Variants in HERC4 observed in about 807,000 individuals in gnomAD.
HERC4 encodes probable E3 ubiquitin-protein ligase HERC4.
In HERC4, 28 loss-of-function variants were observed where a neutral mutation model predicts 124.3. The ratio of observed to expected loss-of-function variants is 0.23; its 90% CI spans 0.17 to 0.31. The LOEUF (loss-of-function observed/expected upper bound fraction) is 0.31. HERC4 is among the 10% of genes least tolerant of loss of function. HERC4 has a pLI of 1.00. For synonymous variants in HERC4, 407 were observed against 421.5 expected (o/e 0.97, Z 0.42); for missense variants, 713 against 1,229.3 (o/e 0.58, Z 6.28).
chr10:67,978,336 C>G (rs2035722439), intron 15 of HERC4, among the ~76,000 whole-genome samples: 1 of 152,272 alleles, frequency 6.6e-6, no homozygotes, highest in South Asian at 2.1e-4. Context: ...GTACTCCCCA[C>G]AGGCCCCTGG....
intron 9 of HERC4, among the ~76,000 whole-genome samples, chr10:68,003,507 C>T (rs933138116): frequency 6.6e-6 from 1 of 151,882 alleles, no homozygotes; most frequent in South Asian, 2.1e-4. Flanking sequence ...TCACTTCCTC[C>T]CCTTACCCCA....
At chr10:68,064,586 GAGAAAAAAAGAAAA>G (rs1315326428) in intron 3 of HERC4, among the ~76,000 whole-genome samples, 173 of 148,194 alleles carry the variant, frequency 1.2e-3, no homozygotes, top group African/African-American at 4.1e-3. Context: ...AAGAGAGAGA[GAGAAAAAAAGAAAA>G]AGAAAAAAAG....
At chr10:68,061,440 G>C (rs1217096813) in intron 3 of HERC4, among the ~76,000 whole-genome samples, 2 of 148,180 alleles carry the variant, frequency 1.3e-5, no homozygotes, top group Non-Finnish European at 3.0e-5. Flanking sequence ...GGCTGAGGCA[G>C]GAGAATGGCA....
Position 67,940,931 on chromosome 10 carries a change from C to T in HERC4, c.2504+8G>A. 6.2e-7 allele frequency: 1 copy of T among 1,603,440 alleles called. No homozygotes were observed. The highest frequency in any genetic ancestry group is 1.1e-5 in the South Asian group (1 of 87,816). ...CCTACTACTTTTTGACTTTTTTTTC[C>T]AACTAACCTCCCAACATCAGGCATT... On this transcript the variant is annotated splice_region_variant and intron_variant, in intron 20 of 24. Transcript: ENST00000373700.
intron 3 of HERC4, among the ~76,000 whole-genome samples, chr10:68,047,093 A>G (rs1294220446): frequency 6.6e-6 from 1 of 152,200 alleles, no homozygotes; most frequent in African/African-American, 2.4e-5. Flanking sequence ...TACTTGTTAT[A>G]GCAAAACCAA....
At chr10:68,071,670 G>A (rs542614160) in intron 3 of HERC4, among the ~76,000 whole-genome samples, 8 of 152,278 alleles carry the variant, frequency 5.3e-5, no homozygotes, top group African/African-American at 1.9e-4. Context: ...CAATGCCTGA[G>A]ATCATGAAAA....
At chr10:68,039,931 T>C (rs752046538) in intron 4 of HERC4, 37 of 945,574 alleles carry the variant, frequency 3.9e-5, no homozygotes, top group Admixed American at 1.1e-4. Flanking sequence ...CAGTACTGTA[T>C]GTTTTTTCCT....
chr10:68,059,714 AATATTAT>A (rs1554830314), intron 3 of HERC4, among the ~76,000 whole-genome samples: 3 of 52,610 alleles, frequency 5.7e-5, no homozygotes, highest in South Asian at 6.4e-4. Flanking sequence ...TATATATCAT[AATATTAT>A]ATATTATATA....
At chr10:68,044,631 A>G (rs1047617872) in intron 3 of HERC4, 68 bp from the exon 4 acceptor site, 7 of 1,413,162 alleles carry the variant, frequency 5.0e-6, no homozygotes, top group Non-Finnish European at 6.9e-6. Context: ...ATTGCATTCT[A>G]GTTTTGAACT....
intron 15 of HERC4, among the ~76,000 whole-genome samples, chr10:67,977,691 G>C (rs2035678401): frequency 6.6e-6 from 1 of 152,136 alleles, no homozygotes; most frequent in East Asian, 1.9e-4. Context: ...TGACTAAAGA[G>C]CCCTTAAGGA....
At chr10:67,980,335 G>C (rs765850085) in intron 15 of HERC4, among the ~76,000 whole-genome samples, 4 of 152,074 alleles carry the variant, frequency 2.6e-5, no homozygotes, top group Non-Finnish European at 5.9e-5. Context: ...GTTTCTCCAT[G>C]TTGGTCAGGC....
chr10:68,026,516 G>A (rs986424465), intron 7 of HERC4, among the ~76,000 whole-genome samples: 6 of 152,128 alleles, frequency 3.9e-5, no homozygotes, highest in African/African-American at 1.4e-4. Context: ...AGACTAGCCT[G>A]GCCAACATGG....
At chr10:68,066,948 A>T (rs889117937) in intron 3 of HERC4, 1 of 152,622 alleles carries the variant, frequency 6.6e-6, no homozygotes, top group African/African-American at 2.4e-5. Context: ...GACCTGCCTC[A>T]AACAGAAGAT....
intron 7 of HERC4, among the ~76,000 whole-genome samples, chr10:68,028,568 T>A (rs2039024437): frequency 6.6e-6 from 1 of 152,188 alleles, no homozygotes; most frequent in Admixed American, 6.5e-5. Flanking sequence ...TAGTGGAGAA[T>A]CTACAACAAT....
chr10:68,018,221 T>TA (rs138953072), intron 8 of HERC4, among the ~76,000 whole-genome samples: 11,932 of 150,396 alleles, frequency 0.079, 1,244 homozygotes, highest in African/African-American at 0.24. Flanking sequence ...ACAAAGCTGT[T>TA]AACTAGAAAA....
rs971539858 is a variant in HERC4, at chr10:67,984,543, T to C, written c.1806+4120A>G. Among the ~76,000 whole-genome samples, 6 of 151,730 alleles carry C rather than the reference T, an allele frequency of 4.0e-5. No homozygotes were observed. The South Asian group carries it at 6.2e-4, about 16-fold the overall frequency. On this transcript the variant is annotated intron_variant, in intron 15 of 24. Transcript: ENST00000373700. Reference sequence around the variant, plus strand: ...GCATGGGTGAGGTTGGGATGGCTAATAGATAAAAATAAAAATATTAAAAAA... The same window carrying C: ...GCATGGGTGAGGTTGGGATGGCTAACAGATAAAAATAAAAATATTAAAAAA...
chr10:67,965,156 T>C (rs1158843145), intron 16 of HERC4: 1 of 152,242 alleles, frequency 6.6e-6, no homozygotes, highest in Non-Finnish European at 1.5e-5. Context: ...GTTCTTGAAA[T>C]TCTCTCTGCC....
At chr10:68,037,439 C>G (rs1487431488) in intron 5 of HERC4, among the ~76,000 whole-genome samples, 1 of 152,114 alleles carries the variant, frequency 6.6e-6, no homozygotes, top group Non-Finnish European at 1.5e-5. Flanking sequence ...ATGGCAGATT[C>G]TTTACTAGCC....
At position 67,956,916 on chromosome 10, in the gene HERC4, T is replaced by C; in HGVS notation, c.1987A>G (p.Thr663Ala). The C allele has an allele frequency of 6.2e-7, 1 of 1,603,370 alleles. No homozygotes were observed. The highest frequency in any genetic ancestry group is 8.5e-7 in the Non-Finnish European group (1 of 1,175,978). ...YPFVFDAQAKTTLLQTDAVLQ... is the reference protein window; with the variant it reads ...YPFVFDAQAKATLLQTDAVLQ... ...ACTGCATCGGTCTGTAACAGAGTAG[T>C]TTTTGCTTGGGCATCAAATACAAAT... Residue 663 changes from threonine (T) to alanine (A), a missense_variant, in exon 17 of 25, where the codon ACT becomes GCT. Physicochemically the swap from Thr to Ala is moderately conservative, Grantham distance 58. Transcript: ENST00000373700.
Sources: gnomAD v4.1 joint callset for allele counts (sites outside exome capture counted in the v4.1 genomes callset) on GRCh38, gnomAD v4.1.1 for gene constraint, MANE v1.5 for transcripts, NCBI Gene and HGNC (gene_info 2026-07-23, HGNC 2026-07-21) for gene names.